FILIP1: variants seen among roughly 807,000 people sequenced by gnomAD.
FILIP1 encodes the protein filamin A interacting protein 1.
In FILIP1, 61 loss-of-function variants were observed where a neutral mutation model predicts 102.1. The observed-to-expected ratio is 0.60, with a 90% CI of 0.49 to 0.74. FILIP1 has a LOEUF of 0.74. FILIP1 is among the 30% of genes least tolerant of loss of function. FILIP1 has a pLI of 0.00. For missense variants in FILIP1, 1,314 were observed against 1,441.2 expected (o/e 0.91, Z 1.43); for synonymous variants, 491 against 526.9 (o/e 0.93, Z 0.93).
chr6:75,408,347 A>T (rs1393888192), intron 2 of FILIP1, among the ~76,000 whole-genome samples: 5 of 152,160 alleles, frequency 3.3e-5, no homozygotes, highest in Non-Finnish European at 5.9e-5. Context: ...TCTAGACAAG[A>T]CTCCCTAAAA....
intron 3 of FILIP1, among the ~76,000 whole-genome samples, chr6:75,355,503 G>A (rs1470377709): frequency 6.6e-6 from 1 of 150,394 alleles, no homozygotes; most frequent in East Asian, 2.0e-4. Context: ...CTGGGTTCAA[G>A]CGATTCTCCT....
intron 1 of FILIP1, among the ~76,000 whole-genome samples, chr6:75,440,945 C>CAAAA (rs200327100): frequency 1.6e-5 from 1 of 60,724 alleles, no homozygotes; most frequent in African/African-American, 6.0e-5. Flanking sequence ...AGCGACGTCT[C>CAAAA]AAAAAAAAAA....
intron 1 of FILIP1, among the ~76,000 whole-genome samples, chr6:75,447,194 G>A (rs1778468084): frequency 6.6e-6 from 1 of 151,984 alleles, no homozygotes; most frequent in South Asian, 2.1e-4. Context: ...AGTGCAAGTA[G>A]GGAAAAAGGA....
At chr6:75,491,414 C>T (rs1359663245) in intron 1 of FILIP1, among the ~76,000 whole-genome samples, 1 of 152,048 alleles carries the variant, frequency 6.6e-6, no homozygotes, top group Non-Finnish European at 1.5e-5. Flanking sequence ...TGTTTGGCAG[C>T]AACTAGAAGT....
In FILIP1 at chr6:75,441,682, T is replaced by G. The variant is rs1357014229; in HGVS notation, c.-6-26704A>C. 1.8e-3 allele frequency among the ~76,000 whole-genome samples: 214 copies of G among 119,588 alleles called. 1 individual carries two copies. The highest frequency in any genetic ancestry group is 6.5e-3 in the African/African-American group (192 of 29,558). The allele number at this position is 119,588 out of a possible 152,430, so 78.5% of individuals were successfully genotyped here. A position where few individuals can be genotyped will look rare whatever the true frequency, so the allele number is the denominator to read the frequency against. On this transcript the variant is annotated intron_variant, in intron 1 of 5. Transcript: ENST00000237172. The stretch of plus-strand genomic sequence containing the variant: ...GGGCTGACGCCCCCACCTCCCTCCC[T>G]GACGGGGCGGCTGGCCGGGCGGGGG...
At chr6:75,300,481 A>G (rs922248167) in intron 6 of FILIP1, among the ~76,000 whole-genome samples, 1 of 152,172 alleles carries the variant, frequency 6.6e-6, no homozygotes, top group Non-Finnish European at 1.5e-5. Flanking sequence ...CAACTTGTCC[A>G]CTGCAAAAAT....
At chr6:75,419,410 A>C (rs1777377392) in intron 1 of FILIP1, among the ~76,000 whole-genome samples, 2 of 152,088 alleles carry the variant, frequency 1.3e-5, no homozygotes, top group South Asian at 4.1e-4. Flanking sequence ...TATTTTATCT[A>C]TATATATTTT....
At chr6:75,385,140 AGTC>A (rs1776045357) in intron 2 of FILIP1, among the ~76,000 whole-genome samples, 1 of 152,036 alleles carries the variant, frequency 6.6e-6, no homozygotes, top group Non-Finnish European at 1.5e-5. Context: ...AATTCAAAGA[AGTC>A]AATAATTTGC....
intron 4 of FILIP1, among the ~76,000 whole-genome samples, chr6:75,318,228 CTTTTTTTTTTTTTT>C (rs35536817): frequency 1.9e-5 from 2 of 102,894 alleles, no homozygotes; most frequent in African/African-American, 3.7e-5. Flanking sequence ...ATTATACAGT[CTTTTTTTTTTTTTT>C]TTTTTTTTTT....
In FILIP1 at chr6:75,372,677, GAAAGAAAGAGAAAGAAAGA is replaced by G. The variant is rs1562514677; in HGVS notation, c.277-9779_277-9761del. Among the ~76,000 whole-genome samples, 30 of 51,296 alleles carry G rather than the reference GAAAGAAAGAGAAAGAAAGA, an allele frequency of 5.8e-4. 1 individual carries two copies. Among genetic ancestry groups the G allele is most frequent in the African/African-American group, 2.8e-3 (24 of 8,626 alleles). The allele number at this position is 51,296 out of a possible 152,430, so 33.7% of individuals were successfully genotyped here. A position where few individuals can be genotyped will look rare whatever the true frequency, so the allele number is the denominator to read the frequency against. ...AGAAAGAAAGAAAGAAAGAAAGAAA[GAAAGAAAGAGAAAGAAAGA>G]GAAAGAAAGAAAGAAAGGAAAGAAA... is the stretch of plus-strand genomic sequence containing the variant. On this transcript the variant is annotated intron_variant, in intron 2 of 5. Coordinates refer to ENST00000237172, the MANE Select transcript of FILIP1 (RefSeq NM_015687.5).
At chr6:75,423,846 A>G (rs1777551061) in intron 1 of FILIP1, among the ~76,000 whole-genome samples, 1 of 152,202 alleles carries the variant, frequency 6.6e-6, no homozygotes, top group Non-Finnish European at 1.5e-5. Context: ...CCAAGAGTTT[A>G]TCGAATCCTG....
chr6:75,315,136 T>C lies in FILIP1; in HGVS notation c.696A>G (p.Arg232=). 2 of 1,599,640 alleles carry C rather than the reference T, an allele frequency of 1.3e-6. No individual in the cohort carries two copies. Among genetic ancestry groups the C allele is most frequent in the South Asian group, 2.3e-5 (2 of 87,122 alleles). ...CAAGCTCATCTCTTAGTTTATTGAG[T>C]CGTTTAGCATTTTCCTTTTCTTTGC... The part of the protein sequence containing the change: ...QARKEKENAK[R]LNKLRDELVK... The change falls in exon 5 of 6, where the codon CGA becomes CGG. Residue 232 remains arginine (R), a synonymous_variant. Transcript: ENST00000237172.
intron 1 of FILIP1, among the ~76,000 whole-genome samples, chr6:75,472,285 A>G (rs1779354393): frequency 6.6e-6 from 1 of 152,010 alleles, no homozygotes; most frequent in African/African-American, 2.4e-5. Flanking sequence ...TCATTTACCC[A>G]CCCAGGGTGC....
At chr6:75,326,124 T>TACACAC (rs1554200337) in intron 4 of FILIP1, among the ~76,000 whole-genome samples, 7 of 139,614 alleles carry the variant, frequency 5.0e-5, no homozygotes, top group African/African-American at 1.5e-4. Context: ...GATAGATAGA[T>TACACAC]ATACACACAC....
In FILIP1 at chr6:75,314,297, C is replaced by G; in HGVS notation, c.1535G>C (p.Arg512Thr). The G allele has an allele frequency of 6.5e-7, 1 of 1,528,714 alleles. No homozygotes were observed. The highest frequency in any genetic ancestry group is 8.7e-7 in the Non-Finnish European group (1 of 1,149,862). The allele number at this position is 1,528,714 out of a possible 1,614,324, so 94.7% of individuals were successfully genotyped here. A position where few individuals can be genotyped will look rare whatever the true frequency, so the allele number is the denominator to read the frequency against. ...TTTTATTTTTTCCATCATATTTTTC[C>G]TTTCATCAACCAGCATCACGGTAAA... is the stretch of plus-strand genomic sequence containing the variant. ...KSFTVMLVDE[R>T]KNMMEKIKQE... The change falls in exon 5 of 6, where the codon AGG becomes ACG. Residue 512 changes from arginine (R) to threonine (T), a missense_variant. Arg to Thr is a moderately conservative substitution (Grantham distance 71). Coordinates refer to ENST00000237172, the MANE Select transcript of FILIP1 (RefSeq NM_015687.5).
intron 4 of FILIP1, 82 bp from the exon 5 acceptor site, chr6:75,315,284 G>T (rs1773400643): frequency 1.1e-6 from 1 of 880,540 alleles, no homozygotes; most frequent in Non-Finnish European, 1.6e-6. Flanking sequence ...AAAACAAAAA[G>T]CCACTACAAT....
chr6:75,474,024 A>G (rs1282395394), intron 1 of FILIP1: 1 of 152,204 alleles, frequency 6.6e-6, no homozygotes, highest in East Asian at 1.9e-4. Flanking sequence ...GATCCATTAA[A>G]TTATTTCGAA....
chr6:75,442,828 G>A (rs1778317782), intron 1 of FILIP1, among the ~76,000 whole-genome samples: 1 of 152,182 alleles, frequency 6.6e-6, no homozygotes, highest in Non-Finnish European at 1.5e-5. Flanking sequence ...CTACACACAT[G>A]CAGGATCCCC....
intron 1 of FILIP1, among the ~76,000 whole-genome samples, chr6:75,479,273 T>C (rs1224111242): frequency 6.6e-6 from 1 of 152,210 alleles, no homozygotes; most frequent in Non-Finnish European, 1.5e-5. Flanking sequence ...TTTTTATTTC[T>C]CAAAATGGAA....
Sources: gnomAD v4.1 joint callset for allele counts (sites outside exome capture counted in the v4.1 genomes callset) on GRCh38, gnomAD v4.1.1 for gene constraint, MANE v1.5 for transcripts, NCBI Gene and HGNC (gene_info 2026-07-23, HGNC 2026-07-21) for gene names.